Variants in SDAD1 observed in about 807,000 individuals in gnomAD.
SDAD1 encodes SDA1 domain containing 1.
In SDAD1, 79 loss-of-function variants were observed where a neutral mutation model predicts 100.3. That is an observed-to-expected ratio of 0.79 (90% CI 0.66 to 0.95). The LOEUF is 0.95. Among genes scored for constraint, SDAD1 ranks in the 40% least tolerant of loss-of-function variants. The probability of loss-of-function intolerance (pLI) is 0.00; values close to 1 mark genes in which losing one functional copy is unlikely to be tolerated. For missense variants in SDAD1, 790 were observed against 810.9 expected, an observed-to-expected ratio of 0.97 and a Z score of 0.31; for synonymous variants, 267 against 271.4, an observed-to-expected ratio of 0.98 and a Z score of 0.16.
intron 10 of SDAD1, 64 bp from the exon 11 acceptor site, chr4:75,969,463 AGGCG>A: frequency 9.2e-7 from 1 of 1,085,744 alleles, no homozygotes; most frequent in Non-Finnish European, 1.4e-6. Flanking sequence ...TTTATGTAAC[AGGCG>A]TAGGAAAAGA....
In SDAD1 at chr4:75,984,071, C is replaced by G. The variant is rs149927862; in HGVS notation, c.91-2034G>C. ...TCCTTTCCCCATTGCTTGTTTTTGT[C>G]AGGTTTGTCAAAGATCAGGTGGTTG... On this transcript the variant is annotated intron_variant, in intron 1 of 21. Coordinates refer to ENST00000356260, the MANE Select transcript of SDAD1 (RefSeq NM_018115.4). Among the ~76,000 whole-genome samples, 293 of 151,616 alleles carry G rather than the reference C, an allele frequency of 1.9e-3. 4 individuals are homozygous for G. Among genetic ancestry groups the G allele is most frequent in the African/African-American group, 7.0e-3 (288 of 41,282 alleles).
chr4:75,968,364 GT>G (rs1729666992), intron 11 of SDAD1, among the ~76,000 whole-genome samples: 1 of 152,070 alleles, frequency 6.6e-6, no homozygotes, highest in Admixed American at 6.6e-5. Flanking sequence ...TGTCTATATT[GT>G]TTGAAAAGTG....
chr4:75,979,318 T>C (rs1054571059), intron 3 of SDAD1, among the ~76,000 whole-genome samples: 1 of 152,046 alleles, frequency 6.6e-6, no homozygotes, highest in Admixed American at 6.6e-5. Context: ...ATACACCAGG[T>C]AGAAAGATAG....
chr4:75,957,539 A>G lies in SDAD1; in HGVS notation c.1748T>C (p.Ile583Thr). Residue 583 changes from isoleucine to threonine, a missense_variant, in exon 19 of 22, where the codon ATA becomes ACA. By Grantham distance (89) the Ile-to-Thr change is moderately conservative. Coordinates refer to ENST00000356260, the MANE Select transcript of SDAD1 (RefSeq NM_018115.4). ...TTACCTGGGCTCTTCATCACTGTCT[A>G]TTTCAATGTATTTCCTCTTCTGGGA... ...GKSQKRKYIEIDSDEEPRGEL... is the reference protein window; with the variant it reads ...GKSQKRKYIETDSDEEPRGEL... 6.2e-7 allele frequency: 1 copy of G among 1,614,140 alleles called. No individual in the cohort carries two copies. Among genetic ancestry groups the G allele is most frequent in the Non-Finnish European group, 8.5e-7 (1 of 1,180,022 alleles).
chr4:75,979,599 G>A (rs906991733), intron 3 of SDAD1, among the ~76,000 whole-genome samples: 1 of 151,850 alleles, frequency 6.6e-6, no homozygotes. Context: ...GGGATTACAG[G>A]CACGCACCAC....
At chr4:75,973,505 A>G in intron 7 of SDAD1, 114 bp from the exon 8 acceptor site, 1 of 713,912 alleles carries the variant, frequency 1.4e-6, no homozygotes, top group Non-Finnish European at 2.4e-6. Context: ...AACAAATTCA[A>G]AGAGTGGTGG....
chr4:75,981,481 G>T lies in SDAD1; in HGVS notation c.196-11C>A. 1 of 1,613,566 alleles carries T rather than the reference G, an allele frequency of 6.2e-7. No individual in the cohort carries two copies. The highest frequency in any genetic ancestry group is 8.5e-7 in the Non-Finnish European group (1 of 1,179,748). ...GTAGCAGTGACTAATCTGTAACAAA[G>T]CAAAGGCTCTTCTGAAGTTGCTCTC... is the stretch of plus-strand genomic sequence containing the variant. On this transcript the variant is annotated splice_polypyrimidine_tract_variant and intron_variant, in intron 2 of 21. Coordinates refer to ENST00000356260, the MANE Select transcript of SDAD1 (RefSeq NM_018115.4).
In SDAD1 at chr4:75,961,070, G is replaced by T; in HGVS notation, c.1314C>A (p.Leu438=). Residue 438 remains leucine (L), a synonymous_variant, in exon 16 of 22, where the codon CTC becomes CTA. Coordinates refer to ENST00000356260, the MANE Select transcript of SDAD1 (RefSeq NM_018115.4). ...GCATCTGAGGATTCAGTGTTCGGAA[G>T]AGGTGAATCAAAGTTCTAGCAGACA... ...VMMSARTLIH[L]FRTLNPQMLQ... 3 of 1,614,088 alleles carry T rather than the reference G, an allele frequency of 1.9e-6. No homozygotes were observed. The highest frequency in any genetic ancestry group is 2.5e-6 in the Non-Finnish European group (3 of 1,179,952).
At chr4:75,961,981 G>A (rs1470463444) in intron 14 of SDAD1, among the ~76,000 whole-genome samples, 1 of 152,160 alleles carries the variant, frequency 6.6e-6, no homozygotes, top group African/African-American at 2.4e-5. Context: ...CATGTGTCAT[G>A]TTGGTGTGCT....
At chr4:75,971,674 C>A (rs77679508) in intron 8 of SDAD1, among the ~76,000 whole-genome samples, 2,177 of 152,118 alleles carry the variant, frequency 0.014, 43 homozygotes, top group African/African-American at 0.048. Flanking sequence ...AGCTTGAGAC[C>A]AGCCTGGCCA....
chr4:75,971,491 C>T, intron 8 of SDAD1, 33 bp from the exon 9 acceptor site: 1 of 1,468,644 alleles, frequency 6.8e-7, no homozygotes, highest in South Asian at 1.1e-5. Flanking sequence ...AAATTGTAAA[C>T]AAGGAAAATC....
chr4:75,962,357 A>T (rs1427108733), intron 14 of SDAD1, among the ~76,000 whole-genome samples: 1 of 152,202 alleles, frequency 6.6e-6, no homozygotes, highest in Non-Finnish European at 1.5e-5. Flanking sequence ...TGCAATAAAC[A>T]TATGTGTGCA....
intron 7 of SDAD1, 37 bp from the exon 8 acceptor site, chr4:75,973,428 C>G (rs1357958458): frequency 6.9e-7 from 1 of 1,447,602 alleles, no homozygotes; most frequent in Admixed American, 1.7e-5. Context: ...CTACTTGATT[C>G]AGCTTAAAAT....
chr4:75,957,267 T>C lies in SDAD1; in HGVS notation c.1854+58A>G, dbSNP rs1728949843. ...ATTCTGTGGCTATACAAGTTCTGGCTTATGTTTCATTTTATTTGCTTTCTG... is the reference window on the plus strand; with the variant it reads ...ATTCTGTGGCTATACAAGTTCTGGCCTATGTTTCATTTTATTTGCTTTCTG... On this transcript the variant is annotated intron_variant, in intron 20 of 21. Transcript: ENST00000356260. The C allele has an allele frequency of 6.9e-6, 10 of 1,449,596 alleles. 1 individual carries two copies. The South Asian group carries it at 1.2e-4, about 17-fold the overall frequency. 89.8% of individuals were successfully genotyped at this position (1,449,596 alleles called of 1,614,324 possible).
chr4:75,970,760 G>T (rs534844546), intron 9 of SDAD1, among the ~76,000 whole-genome samples: 1 of 152,158 alleles, frequency 6.6e-6, no homozygotes, highest in Non-Finnish European at 1.5e-5. Context: ...TGCTATTCTC[G>T]TGATAGTGAG....
chr4:75,958,062 T>C, intron 17 of SDAD1, 121 bp from the exon 18 acceptor site: 1 of 790,482 alleles, frequency 1.3e-6, no homozygotes, highest in Non-Finnish European at 2.2e-6. Context: ...AACCAAGAAC[T>C]GAGCAATATT....
chr4:75,990,583 C>A, intron 1 of SDAD1, 169 bp downstream of exon 1: 5 of 1,435,776 alleles, frequency 3.5e-6, no homozygotes, highest in Non-Finnish European at 4.8e-6. Flanking sequence ...GGGGAACGAA[C>A]CCTAAGGCAT....
chr4:75,960,928 A>G (rs532713299), intron 16 of SDAD1, 100 bp downstream of exon 16: 31 of 927,728 alleles, frequency 3.3e-5, no homozygotes, highest in Non-Finnish European at 4.9e-5. Flanking sequence ...CCATGTAATC[A>G]TAACAGAAGC....
intron 15 of SDAD1, 30 bp downstream of exon 15, chr4:75,961,181 T>C: frequency 6.3e-7 from 1 of 1,598,302 alleles, no homozygotes; most frequent in African/African-American, 1.3e-5. Flanking sequence ...ACTGTACTCT[T>C]TGGTGTGTAG....
Sources: gnomAD v4.1 joint callset for allele counts (sites outside exome capture counted in the v4.1 genomes callset) on GRCh38, gnomAD v4.1.1 for gene constraint, MANE v1.5 for transcripts, NCBI Gene and HGNC (gene_info 2026-07-23, HGNC 2026-07-21) for gene names.